The following FBXL7 variants were observed in gnomAD, a reference collection of about 807,000 sequenced individuals.
FBXL7 encodes the protein F-box and leucine rich repeat protein 7, also known as F-box/LRR-repeat protein 7.
A neutral mutation model predicts 38.3 loss-of-function variants in FBXL7; 12 were observed. The ratio of observed to expected loss-of-function variants is 0.31; its 90% confidence interval spans 0.20 to 0.51. The LOEUF is 0.51. FBXL7 is among the 20% of genes least tolerant of loss of function. FBXL7 has a pLI of 0.98. For synonymous variants in FBXL7, 297 were observed against 300.9 expected (o/e 0.99, Z 0.13); for missense variants, 567 against 676.4 (o/e 0.84, Z 1.79).
intron 2 of FBXL7, among the ~76,000 whole-genome samples, chr5:15,833,834 A>G (rs943947984): frequency 5.9e-5 from 9 of 152,206 alleles, no homozygotes; most frequent in Non-Finnish European, 1.2e-4. Context: ...GAGGAAGGGC[A>G]TGGACATTCT....
chr5:15,931,834 ACT>A (rs1204857193), intron 3 of FBXL7, among the ~76,000 whole-genome samples: 2 of 151,826 alleles, frequency 1.3e-5, no homozygotes, highest in Admixed American at 6.6e-5. Context: ...CTCCTCGAGA[ACT>A]CTCTGAACAG....
chr5:15,708,140 G>C (rs1192083707), intron 2 of FBXL7, among the ~76,000 whole-genome samples: 1 of 152,174 alleles, frequency 6.6e-6, no homozygotes, highest in Non-Finnish European at 1.5e-5. Context: ...GCCAGGGCTA[G>C]GTTGGTATCC....
intron 1 of FBXL7, among the ~76,000 whole-genome samples, chr5:15,565,009 T>C (rs1738525697): frequency 6.6e-6 from 1 of 152,056 alleles, no homozygotes; most frequent in Non-Finnish European, 1.5e-5. Flanking sequence ...GAATAGTAAA[T>C]AAAACCAAAC....
In FBXL7 at chr5:15,927,871, G is replaced by A. The variant is rs755084081; in HGVS notation, c.128-19G>A. ...GCTGAGGCCATCATGATTAACCTTT[G>A]TTCTCTGTCCTTTGCCAGACTCCGA... On this transcript the variant is annotated intron_variant, in intron 2 of 3. Transcript: ENST00000504595. The A allele has an allele frequency of 2.7e-6, 4 of 1,502,510 alleles. 1 individual carries two copies. The South Asian group carries it at 5.4e-5, about 20-fold the overall frequency. The allele number at this position is 1,502,510 out of a possible 1,614,324, so 93.1% of individuals were successfully genotyped here.
chr5:15,868,058 T>C (rs113148250), intron 2 of FBXL7, among the ~76,000 whole-genome samples: 8,019 of 147,434 alleles, frequency 0.054, 698 homozygotes, highest in African/African-American at 0.19. Context: ...GAGCTGAGAT[T>C]GCGCCACTGT....
chr5:15,787,328 G>C (rs776556234), intron 2 of FBXL7, among the ~76,000 whole-genome samples: 1 of 152,104 alleles, frequency 6.6e-6, no homozygotes, highest in East Asian at 1.9e-4. Context: ...AAATATAGAC[G>C]TGAAGGGGAA....
At chr5:15,815,306 A>G (rs1579487537) in intron 2 of FBXL7, among the ~76,000 whole-genome samples, 1 of 152,178 alleles carries the variant, frequency 6.6e-6, no homozygotes, top group Non-Finnish European at 1.5e-5. Context: ...ACAACTTTGA[A>G]TAGAGTTTCA....
chr5:15,625,265 A>G (rs983967421), intron 2 of FBXL7, among the ~76,000 whole-genome samples: 2 of 152,196 alleles, frequency 1.3e-5, no homozygotes, highest in Non-Finnish European at 2.9e-5. Context: ...CAGACTTAGT[A>G]AAATTAATAT....
intron 2 of FBXL7, among the ~76,000 whole-genome samples, chr5:15,719,333 G>A (rs569881078): frequency 6.6e-6 from 1 of 151,934 alleles, no homozygotes; most frequent in Admixed American, 6.6e-5. Flanking sequence ...AAAATATCAA[G>A]AACTGTAGTG....
chr5:15,900,446 A>G (rs545145588), intron 2 of FBXL7, among the ~76,000 whole-genome samples: 1 of 152,318 alleles, frequency 6.6e-6, no homozygotes, highest in South Asian at 2.1e-4. Flanking sequence ...CCACTAGCCA[A>G]GCCAGCCATG....
chr5:15,905,585 A>C lies in FBXL7; in HGVS notation c.128-22305A>C, dbSNP rs73752383. Among the ~76,000 whole-genome samples, 1,157 of 152,256 alleles carry C rather than the reference A, an allele frequency of 7.6e-3. 23 individuals carry two copies. Among genetic ancestry groups the C allele is most frequent in the African/African-American group, 0.026 (1,098 of 41,538 alleles). The stretch of plus-strand genomic sequence containing the variant: ...TACTAATTTAACAGAGAGATATTTA[A>C]AAACCAAACAAACAAATGTAACAAC... On this transcript the variant is annotated intron_variant, in intron 2 of 3. Coordinates refer to ENST00000504595, the MANE Select transcript of FBXL7 (RefSeq NM_012304.5).
chr5:15,504,110 A>G (rs1358868843), intron 1 of FBXL7, among the ~76,000 whole-genome samples: 3 of 152,260 alleles, frequency 2.0e-5, no homozygotes, highest in Non-Finnish European at 4.4e-5. Flanking sequence ...TAAAGTTGAG[A>G]GAACTTACTG....
chr5:15,570,047 T>G (rs1738721888), intron 1 of FBXL7, among the ~76,000 whole-genome samples: 1 of 152,232 alleles, frequency 6.6e-6, no homozygotes, highest in South Asian at 2.1e-4. Flanking sequence ...TGGTCTAAAA[T>G]TCTCTTTTTT....
chr5:15,891,951 G>T (rs1740921381), intron 2 of FBXL7, among the ~76,000 whole-genome samples: 1 of 152,202 alleles, frequency 6.6e-6, no homozygotes, highest in Non-Finnish European at 1.5e-5. Flanking sequence ...AAGGAACTCA[G>T]CCACTGCCCA....
chr5:15,835,493 G>A (rs1255179872), intron 2 of FBXL7, among the ~76,000 whole-genome samples: 1 of 152,178 alleles, frequency 6.6e-6, no homozygotes, highest in African/African-American at 2.4e-5. Flanking sequence ...AGGTCACAGA[G>A]GGCAGAGCAG....
At chr5:15,707,032 C>T (rs1029933709) in intron 2 of FBXL7, among the ~76,000 whole-genome samples, 28 of 152,218 alleles carry the variant, frequency 1.8e-4, no homozygotes, top group African/African-American at 6.5e-4. Flanking sequence ...TTTAAGCCTT[C>T]ACTTTACAGA....
intron 2 of FBXL7, among the ~76,000 whole-genome samples, chr5:15,925,481 C>T (rs565899023): frequency 9.2e-5 from 14 of 152,122 alleles, no homozygotes; most frequent in Middle Eastern, 6.8e-3. Context: ...AAAATTGCAG[C>T]GATAGAAAAA....
chr5:15,867,196 T>G (rs1366436278), intron 2 of FBXL7, among the ~76,000 whole-genome samples: 1 of 152,178 alleles, frequency 6.6e-6, no homozygotes, highest in East Asian at 1.9e-4. Flanking sequence ...ACTCACAGTC[T>G]TCCCTTCCCT....
intron 2 of FBXL7, among the ~76,000 whole-genome samples, chr5:15,783,277 C>T (rs899844236): frequency 3.3e-5 from 5 of 152,072 alleles, no homozygotes; most frequent in Non-Finnish European, 7.3e-5. Context: ...TCATAATTTC[C>T]GGCAAGTGCA....
Sources: gnomAD v4.1 joint callset for allele counts (sites outside exome capture counted in the v4.1 genomes callset) on GRCh38, gnomAD v4.1.1 for gene constraint, MANE v1.5 for transcripts, NCBI Gene and HGNC (gene_info 2026-07-23, HGNC 2026-07-21) for gene names.